NRXN3: variants seen among roughly 807,000 people sequenced by gnomAD.
NRXN3 encodes neurexin III.
Under a neutral mutation model 137.6 loss-of-function variants are expected in NRXN3, and 32 were observed. That is an observed-to-expected ratio of 0.23 (90% confidence interval 0.18 to 0.31). NRXN3 has a LOEUF of 0.31. NRXN3 is among the 10% of genes least tolerant of loss of function. NRXN3 has a pLI of 1.00. For synonymous variants in NRXN3, 798 were observed against 784.5 expected, an observed-to-expected ratio of 1.02 and a Z score of -0.29; for missense variants, 1,574 against 2,062.5, an observed-to-expected ratio of 0.76 and a Z score of 4.59.
At chr14:79,641,974 C>T (rs221465) in intron 16 of NRXN3, among the ~76,000 whole-genome samples, 61,420 of 134,328 alleles carry the variant, frequency 0.46, 22,109 homozygotes, top group African/African-American at 0.75. Context: ...ACTGCGTGAT[C>T]GTGGCGTTCA....
chr14:79,537,475 G>T (rs973383351), intron 16 of NRXN3, among the ~76,000 whole-genome samples: 2 of 151,956 alleles, frequency 1.3e-5, no homozygotes, highest in African/African-American at 4.8e-5. Context: ...GGTGTGTGAT[G>T]TTCCCCTTCC....
At chr14:78,778,678 T>TTTTCC (rs1555489571) in intron 8 of NRXN3, among the ~76,000 whole-genome samples, 4 of 114,472 alleles carry the variant, frequency 3.5e-5, no homozygotes, top group Non-Finnish European at 5.3e-5. Context: ...TTCTCTTTTC[T>TTTTCC]TTTCTTTCTT....
rs972722276 is a variant in NRXN3 at position 78,858,377 on chromosome 14, A to G, written c.2275+48033A>G. On this transcript the variant is annotated intron_variant, in intron 10 of 20. Transcript: ENST00000335750. ...GAAATGGAGAGCTTTGTGGGCCAGG[A>G]AGCAGGCAGTTTGTAATGTGTGGAT... Among the ~76,000 whole-genome samples the G allele has an allele frequency of 2.8e-4, 43 of 152,142 alleles. 1 individual carries two copies. Among genetic ancestry groups the G allele is most frequent in the Admixed American group, 2.7e-3 (41 of 15,272 alleles).
At chr14:79,701,290 C>G (rs1223502457) in intron 19 of NRXN3, among the ~76,000 whole-genome samples, 2 of 152,004 alleles carry the variant, frequency 1.3e-5, no homozygotes, top group Non-Finnish European at 2.9e-5. Context: ...ACAAATTTTC[C>G]CATAACTTGG....
chr14:79,806,474 T>C (rs1186159077), intron 20 of NRXN3, among the ~76,000 whole-genome samples: 1 of 152,114 alleles, frequency 6.6e-6, no homozygotes, highest in African/African-American at 2.4e-5. Flanking sequence ...ATCTGTTCCA[T>C]TGGGAGCTCA....
intron 8 of NRXN3, among the ~76,000 whole-genome samples, chr14:78,750,815 C>A (rs1395925812): frequency 1.3e-5 from 2 of 152,200 alleles, no homozygotes; most frequent in Non-Finnish European, 2.9e-5. Flanking sequence ...CCTAGGCTCT[C>A]TGAGGGCCAG....
intron 8 of NRXN3, among the ~76,000 whole-genome samples, chr14:78,748,712 A>G (rs542798577): frequency 6.6e-6 from 1 of 152,172 alleles, no homozygotes; most frequent in Non-Finnish European, 1.5e-5. Flanking sequence ...TGATTGAGCT[A>G]TAGAGGAAGA....
intron 4 of NRXN3, among the ~76,000 whole-genome samples, chr14:78,454,787 A>T (rs1044032487): frequency 4.6e-5 from 7 of 152,170 alleles, no homozygotes; most frequent in Non-Finnish European, 1.0e-4. Context: ...TGTGTCTGGC[A>T]GAGGGAACAG....
At chr14:79,031,949 A>T (rs904959639) in intron 15 of NRXN3, among the ~76,000 whole-genome samples, 11 of 152,138 alleles carry the variant, frequency 7.2e-5, no homozygotes, top group Admixed American at 6.6e-4. Context: ...TTTTCTGAAC[A>T]TTCCTCCCCT....
chr14:79,543,020 T>G (rs2097288274), intron 16 of NRXN3, among the ~76,000 whole-genome samples: 2 of 152,152 alleles, frequency 1.3e-5, no homozygotes, highest in African/African-American at 4.8e-5. Context: ...GGTATTCAGT[T>G]GAAAGGACAT....
chr14:78,646,970 C>T (rs1437248121), intron 5 of NRXN3, among the ~76,000 whole-genome samples: 1 of 152,110 alleles, frequency 6.6e-6, no homozygotes, highest in African/African-American at 2.4e-5. Flanking sequence ...TTTTGATTGG[C>T]AGGTACAAAA....
At chr14:79,131,616 T>C (rs2152962954) in intron 15 of NRXN3, among the ~76,000 whole-genome samples, 1 of 152,358 alleles carries the variant, frequency 6.6e-6, no homozygotes, top group South Asian at 2.1e-4. Flanking sequence ...CTGCAGAGGT[T>C]ACTGCTGTCT....
chr14:78,747,790 A>G (rs1283263643), intron 8 of NRXN3, among the ~76,000 whole-genome samples: 2 of 152,056 alleles, frequency 1.3e-5, no homozygotes, highest in African/African-American at 2.4e-5. Context: ...CTTGTAGACA[A>G]TTTTGCCCTT....
chr14:78,242,284 C>T (rs1405184696), intron 1 of NRXN3, 107 bp from the exon 2 acceptor site: 1 of 152,224 alleles, frequency 6.6e-6, no homozygotes, highest in Non-Finnish European at 1.5e-5. Context: ...ACTAGAATAG[C>T]TTGGCTCGAA....
At chr14:79,036,420 G>A (rs893156644) in intron 15 of NRXN3, among the ~76,000 whole-genome samples, 1 of 151,952 alleles carries the variant, frequency 6.6e-6, no homozygotes, top group African/African-American at 2.4e-5. Flanking sequence ...GTGAGGGGGA[G>A]GACATGGAAT....
intron 19 of NRXN3, among the ~76,000 whole-genome samples, chr14:79,753,310 G>A (rs2099005369): frequency 6.6e-6 from 1 of 151,906 alleles, no homozygotes; most frequent in Middle Eastern, 3.4e-3. Flanking sequence ...GCAAAGACTT[G>A]GAACTAACCC....
intron 10 of NRXN3, among the ~76,000 whole-genome samples, chr14:78,886,381 A>T: frequency 6.6e-6 from 1 of 152,246 alleles, no homozygotes; most frequent in South Asian, 2.1e-4. Context: ...TTCAGTATAT[A>T]TAGTACCTGA....
At chr14:79,657,629 C>A (rs1174617368) in intron 16 of NRXN3, among the ~76,000 whole-genome samples, 11 of 152,164 alleles carry the variant, frequency 7.2e-5, no homozygotes, top group Admixed American at 7.2e-4. Flanking sequence ...GACTAATGAT[C>A]TTCACTGAAA....
chr14:78,863,381 T>G (rs1408777314), intron 10 of NRXN3, among the ~76,000 whole-genome samples: 1 of 152,112 alleles, frequency 6.6e-6, no homozygotes, highest in Non-Finnish European at 1.5e-5. Context: ...CTCAGTCCCC[T>G]TAGTCTCTGG....
Sources: gnomAD v4.1 joint callset for allele counts (sites outside exome capture counted in the v4.1 genomes callset) on GRCh38, gnomAD v4.1.1 for gene constraint, MANE v1.5 for transcripts, NCBI Gene and HGNC (gene_info 2026-07-23, HGNC 2026-07-21) for gene names.